Variants in PRDM5 observed in about 807,000 individuals in gnomAD.
PRDM5 encodes the protein PR domain zinc finger protein 5.
Under a neutral mutation model 81.2 loss-of-function variants are expected in PRDM5, and 56 were observed. The ratio of observed to expected loss-of-function variants is 0.69; its 90% CI spans 0.56 to 0.86. The LOEUF is 0.86. PRDM5 is among the 40% of genes least tolerant of loss of function. The pLI is 0.00. For missense variants in PRDM5, 697 were observed against 770.1 expected (o/e 0.91, Z 1.12); for synonymous variants, 267 against 256.4 (o/e 1.04, Z -0.39).
intron 13 of PRDM5, among the ~76,000 whole-genome samples, chr4:120,766,675 T>C (rs1410564499): frequency 1.3e-5 from 2 of 152,204 alleles, no homozygotes; most frequent in African/African-American, 2.4e-5. Context: ...ATGTGATATA[T>C]TGGAAAAAGT....
chr4:120,686,376 T>C (rs1733833548), intron 1 of PRDM5, among the ~76,000 whole-genome samples: 1 of 152,108 alleles, frequency 6.6e-6, no homozygotes, highest in Non-Finnish European at 1.5e-5. Context: ...GTAACTAAAT[T>C]TTAAAATTGA....
At chr4:120,750,364 C>T (rs1422326711) in intron 14 of PRDM5, among the ~76,000 whole-genome samples, 1 of 152,180 alleles carries the variant, frequency 6.6e-6, no homozygotes, top group Non-Finnish European at 1.5e-5. Flanking sequence ...CACCAGCGGG[C>T]TACTGCCAGT....
chr4:120,829,740 G>A (rs978345531), intron 3 of PRDM5, among the ~76,000 whole-genome samples: 1 of 152,008 alleles, frequency 6.6e-6, no homozygotes, highest in Non-Finnish European at 1.5e-5. Flanking sequence ...TATTGAAAAG[G>A]TAGTAAATTG....
At chr4:120,885,246 T>C (rs933520584) in intron 2 of PRDM5, among the ~76,000 whole-genome samples, 1 of 151,488 alleles carries the variant, frequency 6.6e-6, no homozygotes, top group African/African-American at 2.4e-5. Context: ...CTTCAAAAGG[T>C]ACCCCTATTC....
At chr4:120,732,135 C>T (rs1375507787) in intron 14 of PRDM5, among the ~76,000 whole-genome samples, 1 of 152,006 alleles carries the variant, frequency 6.6e-6, no homozygotes, top group African/African-American at 2.4e-5. Flanking sequence ...ATATGGAGGT[C>T]ATCTAAAAGA....
At chr4:120,705,691 T>A (rs12645930) in intron 15 of PRDM5, among the ~76,000 whole-genome samples, 10,502 of 152,170 alleles carry the variant, frequency 0.069, 425 homozygotes, top group South Asian at 0.1. Flanking sequence ...TGCACAGTCA[T>A]GGGAAGGTTT....
intron 14 of PRDM5, among the ~76,000 whole-genome samples, chr4:120,742,124 A>G (rs188640838): frequency 0.01 from 1,572 of 152,136 alleles, 10 homozygotes; most frequent in Non-Finnish European, 0.015. Flanking sequence ...CTGACCCCTG[A>G]CCCCCCGAGC....
At chr4:120,721,019 T>C (rs1415695150) in intron 14 of PRDM5, among the ~76,000 whole-genome samples, 1 of 152,206 alleles carries the variant, frequency 6.6e-6, no homozygotes, top group Non-Finnish European at 1.5e-5. Flanking sequence ...TCCCTTTTAA[T>C]TAATCCACTC....
intron 3 of PRDM5, among the ~76,000 whole-genome samples, chr4:120,831,392 C>CAGT (rs1756695037): frequency 6.6e-6 from 1 of 152,048 alleles, no homozygotes; most frequent in African/African-American, 2.4e-5. Context: ...TACCACCTAA[C>CAGT]TGTCAGGCAT....
intron 2 of PRDM5, among the ~76,000 whole-genome samples, chr4:120,882,417 G>A (rs1354980195): frequency 6.6e-6 from 1 of 151,976 alleles, no homozygotes; most frequent in Non-Finnish European, 1.5e-5. Flanking sequence ...CAAAGTGCTG[G>A]GATTACAGAC....
intron 3 of PRDM5, chr4:120,839,200 C>A (rs1561447635): frequency 4.3e-6 from 3 of 701,308 alleles, no homozygotes; most frequent in Non-Finnish European, 7.8e-6. Context: ...ATGTGGCAAG[C>A]AAGGAGCAGG....
intron 15 of PRDM5, 68 bp from the exon 16 acceptor site, chr4:120,695,343 C>T (rs1734406450): frequency 6.5e-7 from 1 of 1,540,818 alleles, no homozygotes; most frequent in East Asian, 2.3e-5. Context: ...AAATTTAACA[C>T]TCACACTATT....
At chr4:120,749,894 C>CTT (rs1469217578) in intron 14 of PRDM5, among the ~76,000 whole-genome samples, 2 of 152,086 alleles carry the variant, frequency 1.3e-5, no homozygotes, top group East Asian at 3.9e-4. Flanking sequence ...TTCTCATGCC[C>CTT]CAAACCTTCT....
chr4:120,805,588 C>T (rs1752794792), intron 8 of PRDM5, among the ~76,000 whole-genome samples: 1 of 152,124 alleles, frequency 6.6e-6, no homozygotes, highest in Non-Finnish European at 1.5e-5. Flanking sequence ...TAAACAGAAT[C>T]AAAGACAAAA....
intron 14 of PRDM5, among the ~76,000 whole-genome samples, chr4:120,730,874 T>C (rs994748561): frequency 6.6e-6 from 1 of 152,164 alleles, no homozygotes; most frequent in South Asian, 2.1e-4. Flanking sequence ...AGGAGTTTAG[T>C]AGACATTCCT....
At chr4:120,912,323 G>A (rs1021374326) in intron 1 of PRDM5, among the ~76,000 whole-genome samples, 1 of 152,066 alleles carries the variant, frequency 6.6e-6, no homozygotes, top group African/African-American at 2.4e-5. Flanking sequence ...AAATAAACCA[G>A]CATCACTCCA....
At chr4:120,716,619 A>T (rs138213011) in intron 14 of PRDM5, among the ~76,000 whole-genome samples, 2 of 152,316 alleles carry the variant, frequency 1.3e-5, no homozygotes, top group African/African-American at 4.8e-5. Flanking sequence ...CTATTCCTGA[A>T]GATATCACAA....
At chr4:120,778,704 A>C (rs1406886585) in intron 12 of PRDM5, among the ~76,000 whole-genome samples, 1 of 152,116 alleles carries the variant, frequency 6.6e-6, no homozygotes, top group Admixed American at 6.5e-5. Context: ...ATCAACTACC[A>C]TGCTAGCCAA....
intron 14 of PRDM5, among the ~76,000 whole-genome samples, chr4:120,738,920 T>A (rs1472911762): frequency 6.6e-6 from 1 of 152,364 alleles, no homozygotes; most frequent in East Asian, 1.9e-4. Context: ...TTTAATGATA[T>A]AAAATAACAT....
Sources: allele counts gnomAD v4.1 joint callset (sites outside exome capture counted in the v4.1 genomes callset), GRCh38; gene constraint gnomAD v4.1.1; transcripts MANE v1.5; gene names NCBI Gene and HGNC (gene_info 2026-07-23, HGNC 2026-07-21).